PRKCA: variants seen among roughly 807,000 people sequenced by gnomAD.
PRKCA encodes protein kinase C alpha type.
PRKCA carries 27 observed loss-of-function variants against 87.0 expected under a neutral mutation model. The observed-to-expected ratio is 0.31, with a 90% CI of 0.23 to 0.43. PRKCA has a LOEUF of 0.43. PRKCA is among the 20% of genes least tolerant of loss of function. The pLI is 1.00. For synonymous variants in PRKCA, 329 were observed against 311.1 expected (o/e 1.06, Z -0.61); for missense variants, 518 against 852.3 (o/e 0.61, Z 4.88).
At chr17:66,492,893 C>T (rs2144098501) in intron 2 of PRKCA, among the ~76,000 whole-genome samples, 1 of 152,336 alleles carries the variant, frequency 6.6e-6, no homozygotes, top group Middle Eastern at 3.4e-3. Context: ...CTTCGATTCA[C>T]ACTCACCTCC....
intron 2 of PRKCA, among the ~76,000 whole-genome samples, chr17:66,489,147 T>C (rs1320030557): frequency 6.6e-6 from 1 of 151,960 alleles, no homozygotes; most frequent in Non-Finnish European, 1.5e-5. Flanking sequence ...CTAAGCAAAG[T>C]CTATTATATT....
rs766898355 is a variant in PRKCA at position 66,562,506 on chromosome 17, C to T, written c.288+66223C>T. Among the ~76,000 whole-genome samples the T allele has an allele frequency of 7.9e-5, 12 of 152,090 alleles. No individual in the cohort carries two copies. The South Asian group carries it at 1.0e-3, about 13-fold the overall frequency. Reference sequence around the variant, plus strand: ...GGACACAGACATTTTTCTAGGTTCCCTGAGTCTTCTGTGTGGTCCATCCTA... The same window carrying T: ...GGACACAGACATTTTTCTAGGTTCCTTGAGTCTTCTGTGTGGTCCATCCTA... On this transcript the variant is annotated intron_variant, in intron 3 of 16. Transcript: ENST00000413366.
At chr17:66,633,194 A>G (rs1971067770) in intron 3 of PRKCA, among the ~76,000 whole-genome samples, 1 of 152,148 alleles carries the variant, frequency 6.6e-6, no homozygotes, top group Non-Finnish European at 1.5e-5. Flanking sequence ...ACAATGTAAT[A>G]ATTACAGTGG....
intron 3 of PRKCA, among the ~76,000 whole-genome samples, chr17:66,563,210 T>C (rs138605170): frequency 3.8e-4 from 58 of 152,260 alleles, no homozygotes; most frequent in Middle Eastern, 6.8e-3. Flanking sequence ...TGGTCTACAT[T>C]AGGGTTCGGT....
At chr17:66,500,058 G>C (rs1187140620) in intron 3 of PRKCA, among the ~76,000 whole-genome samples, 1 of 152,162 alleles carries the variant, frequency 6.6e-6, no homozygotes, top group African/African-American at 2.4e-5. Context: ...AATGGGACCA[G>C]CTCCCTTATT....
At chr17:66,669,508 A>G (rs1464528200) in intron 5 of PRKCA, among the ~76,000 whole-genome samples, 1 of 152,234 alleles carries the variant, frequency 6.6e-6, no homozygotes, top group Admixed American at 6.5e-5. Flanking sequence ...TTGAAAAAGA[A>G]GCACTAATTC....
chr17:66,374,241 G>A (rs146957832), intron 2 of PRKCA, among the ~76,000 whole-genome samples: 10 of 152,218 alleles, frequency 6.6e-5, no homozygotes, highest in African/African-American at 2.2e-4. Context: ...AGCTCGCCCC[G>A]CCTGACCCAG....
chr17:66,672,241 C>G (rs867741198), intron 5 of PRKCA, among the ~76,000 whole-genome samples: 8 of 152,202 alleles, frequency 5.3e-5, no homozygotes, highest in Admixed American at 6.5e-5. Context: ...TCATTTATAT[C>G]TCAACAACTC....
At chr17:66,314,647 A>G (rs1367505481) in intron 2 of PRKCA, among the ~76,000 whole-genome samples, 6 of 152,220 alleles carry the variant, frequency 3.9e-5, no homozygotes, top group African/African-American at 1.2e-4. Flanking sequence ...GGTAGTTAGG[A>G]AATAAACCAT....
At chr17:66,662,052 T>C (rs1971921861) in intron 5 of PRKCA, among the ~76,000 whole-genome samples, 3 of 152,324 alleles carry the variant, frequency 2.0e-5, no homozygotes, top group African/African-American at 7.2e-5. Flanking sequence ...GTTCTTAGCC[T>C]CTGTCCTGAG....
chr17:66,447,034 A>G (rs1914068064), intron 2 of PRKCA, among the ~76,000 whole-genome samples: 1 of 152,196 alleles, frequency 6.6e-6, no homozygotes, highest in African/African-American at 2.4e-5. Flanking sequence ...CTTCCAGTGT[A>G]AGAAGTAGTT....
intron 2 of PRKCA, among the ~76,000 whole-genome samples, chr17:66,317,412 T>C (rs1054526127): frequency 6.6e-6 from 1 of 152,214 alleles, no homozygotes; most frequent in Non-Finnish European, 1.5e-5. Flanking sequence ...ACCATGCTAC[T>C]GTGAACTTAC....
intron 2 of PRKCA, among the ~76,000 whole-genome samples, chr17:66,342,148 G>T (rs981041270): frequency 6.6e-6 from 1 of 152,202 alleles, no homozygotes; most frequent in Non-Finnish European, 1.5e-5. Context: ...TCATGGCGGG[G>T]CGCGGTGGCT....
chr17:66,312,072 C>A (rs1905113029), intron 2 of PRKCA, among the ~76,000 whole-genome samples: 1 of 152,308 alleles, frequency 6.6e-6, no homozygotes, highest in African/African-American at 2.4e-5. Flanking sequence ...ACCTCTGCCT[C>A]CTGGGTTCAA....
chr17:66,735,380 G>A, intron 9 of PRKCA, 109 bp from the exon 10 acceptor site: 1 of 1,131,984 alleles, frequency 8.8e-7, no homozygotes, highest in South Asian at 1.3e-5. Context: ...GTTCCACATT[G>A]ACAAAGGTGC....
intron 2 of PRKCA, among the ~76,000 whole-genome samples, chr17:66,356,495 C>A (rs1908062220): frequency 6.6e-6 from 1 of 151,942 alleles, no homozygotes; most frequent in African/African-American, 2.4e-5. Flanking sequence ...ATTAGCCGGG[C>A]GTGGTGTCGG....
At chr17:66,554,465 T>G (rs1463511278) in intron 3 of PRKCA, 1 of 825,052 alleles carries the variant, frequency 1.2e-6, no homozygotes. Flanking sequence ...TTTCAAACTT[T>G]GGGCTGGAAG....
intron 3 of PRKCA, among the ~76,000 whole-genome samples, chr17:66,509,136 G>GA (rs1270207872): frequency 1.3e-5 from 2 of 151,956 alleles, no homozygotes; most frequent in Non-Finnish European, 2.9e-5. Flanking sequence ...GAAGGTTTAT[G>GA]AATCAGGGTT....
At chr17:66,765,424 A>ATCTATATATCTATATATC (rs1568020889) in intron 13 of PRKCA, among the ~76,000 whole-genome samples, 4 of 122,696 alleles carry the variant, frequency 3.3e-5, no homozygotes, top group African/African-American at 1.3e-4. Flanking sequence ...TTGTCTATAT[A>ATCTATATATCTATATATC]TATATATATA....
Sources: gnomAD v4.1 joint callset for allele counts (sites outside exome capture counted in the v4.1 genomes callset) on GRCh38, gnomAD v4.1.1 for gene constraint, MANE v1.5 for transcripts, NCBI Gene and HGNC (gene_info 2026-07-23, HGNC 2026-07-21) for gene names.